Variants in ASTN2 observed in about 807,000 individuals in gnomAD.
ASTN2 encodes the protein astrotactin 2, also known as astrotactin-2.
A neutral mutation model predicts 139.8 loss-of-function variants in ASTN2; 54 were observed. That is an observed-to-expected ratio of 0.39 (90% CI 0.31 to 0.48). The LOEUF (loss-of-function observed/expected upper bound fraction) is 0.48, where lower values mean the gene tolerates loss of function less well. ASTN2 is among the 20% of genes least tolerant of loss of function. ASTN2 has a pLI of 0.95. For synonymous variants in ASTN2, 756 were observed against 719.5 expected, an observed-to-expected ratio of 1.05 and a Z score of -0.81; for missense variants, 1,565 against 1,725.1, an observed-to-expected ratio of 0.91 and a Z score of 1.64.
chr9:116,683,341 C>G lies in ASTN2; in HGVS notation c.2807-31548G>C, dbSNP rs192262361. 1.4e-4 allele frequency among the ~76,000 whole-genome samples: 22 copies of G among 152,098 alleles called. 1 individual carries two copies. The highest frequency in any genetic ancestry group is 1.1e-3 in the Admixed American group (17 of 15,274). The stretch of plus-strand genomic sequence containing the variant: ...GAAATTATGGGAAACTTCTATAATT[C>G]TGATATGATTTAGAGTACATTATTA... On this transcript the variant is annotated intron_variant, in intron 16 of 22. Coordinates refer to ENST00000313400, the MANE Select transcript of ASTN2 (RefSeq NM_001365068.1).
chr9:117,083,524 G>C (rs997183296), intron 5 of ASTN2, among the ~76,000 whole-genome samples: 5 of 152,140 alleles, frequency 3.3e-5, no homozygotes, highest in African/African-American at 1.2e-4. Flanking sequence ...CCCATGACCA[G>C]TGGCATGGTC....
At chr9:117,006,348 A>G (rs1483210907) in intron 7 of ASTN2, among the ~76,000 whole-genome samples, 2 of 152,128 alleles carry the variant, frequency 1.3e-5, no homozygotes, top group Non-Finnish European at 2.9e-5. Context: ...GCATCCCCTG[A>G]CTCAGTAAAT....
At chr9:116,550,948 A>G (rs1852314764) in intron 19 of ASTN2, 1 of 152,260 alleles carries the variant, frequency 6.6e-6, no homozygotes, top group Admixed American at 6.5e-5. Context: ...AGGAAGCCGC[A>G]TGTACTCAGG....
chr9:116,581,168 G>A (rs144835347), intron 19 of ASTN2, among the ~76,000 whole-genome samples: 27 of 152,206 alleles, frequency 1.8e-4, no homozygotes, highest in African/African-American at 6.3e-4. Context: ...GGAAGCCAGA[G>A]AGTCAGGGAA....
In ASTN2 at chr9:117,041,348, A is replaced by G. The variant is rs553222754; in HGVS notation, c.1277-1383T>C. Among the ~76,000 whole-genome samples, 91 of 152,172 alleles carry G rather than the reference A, an allele frequency of 6.0e-4. No homozygotes were observed. The South Asian group carries it at 7.3e-3, about 12-fold the overall frequency. ...GCTATCCAATTAGAATGTCAAATAT[A>G]TTAATAACACGTTCAAAACAGGGTA... On this transcript the variant is annotated intron_variant, in intron 5 of 22. Coordinates refer to ENST00000313400, the MANE Select transcript of ASTN2 (RefSeq NM_001365068.1).
intron 5 of ASTN2, among the ~76,000 whole-genome samples, chr9:117,046,264 G>A (rs1309180287): frequency 6.6e-6 from 1 of 152,076 alleles, no homozygotes; most frequent in East Asian, 1.9e-4. Flanking sequence ...GCCTCCCAAT[G>A]TGCTAGGATT....
At chr9:116,719,733 C>A (rs528701755) in intron 16 of ASTN2, among the ~76,000 whole-genome samples, 107 of 152,022 alleles carry the variant, frequency 7.0e-4, no homozygotes, top group African/African-American at 2.5e-3. Flanking sequence ...TGAAACTTCA[C>A]TTACTAATGT....
chr9:116,549,650 T>A (rs527913759), intron 19 of ASTN2, among the ~76,000 whole-genome samples: 1 of 152,284 alleles, frequency 6.6e-6, no homozygotes, highest in African/African-American at 2.4e-5. Context: ...TGGTTAGGTG[T>A]AGGAAACAAA....
intron 16 of ASTN2, among the ~76,000 whole-genome samples, chr9:116,684,994 C>G (rs567583423): frequency 6.6e-6 from 1 of 152,330 alleles, no homozygotes; most frequent in Admixed American, 6.5e-5. Flanking sequence ...TATCCCAAAG[C>G]AGACCTCCTT....
chr9:117,384,242 A>T (rs16905573), intron 1 of ASTN2, among the ~76,000 whole-genome samples: 27,396 of 152,174 alleles, frequency 0.18, 2,866 homozygotes, highest in East Asian at 0.42. Context: ...CTCAGGTTTT[A>T]CCCAGAACTC....
intron 5 of ASTN2, among the ~76,000 whole-genome samples, chr9:117,059,595 A>T (rs1267337021): frequency 1.3e-5 from 2 of 152,094 alleles, no homozygotes; most frequent in African/African-American, 4.8e-5. Flanking sequence ...CTTGGGTGAC[A>T]AAGAGAGATT....
At chr9:117,111,953 A>G (rs1829261111) in intron 4 of ASTN2, among the ~76,000 whole-genome samples, 1 of 152,130 alleles carries the variant, frequency 6.6e-6, no homozygotes, top group South Asian at 2.1e-4. Context: ...ATTGAAATAT[A>G]AATGGTAAAT....
chr9:117,321,128 C>A (rs1320451332), intron 1 of ASTN2, among the ~76,000 whole-genome samples: 2 of 152,180 alleles, frequency 1.3e-5, no homozygotes, highest in African/African-American at 2.4e-5. Flanking sequence ...GAGAAACACG[C>A]CTGCCTAAAT....
intron 4 of ASTN2, among the ~76,000 whole-genome samples, chr9:117,136,243 G>T (rs189467548): frequency 6.6e-6 from 1 of 152,236 alleles, no homozygotes; most frequent in Non-Finnish European, 1.5e-5. Context: ...CTTTGAAGAT[G>T]GTAGCATTCT....
chr9:117,329,898 T>G (rs1353528075), intron 1 of ASTN2, among the ~76,000 whole-genome samples: 2 of 152,194 alleles, frequency 1.3e-5, no homozygotes, highest in Non-Finnish European at 2.9e-5. Flanking sequence ...TTGGCACTTC[T>G]CATGCACTCT....
At chr9:116,534,362 T>C (rs1851512604) in intron 19 of ASTN2, among the ~76,000 whole-genome samples, 2 of 152,340 alleles carry the variant, frequency 1.3e-5, no homozygotes, top group Admixed American at 6.5e-5. Context: ...TCTATTTCCT[T>C]CAGTTCTGCT....
At chr9:117,217,699 C>T (rs1832372468) in intron 2 of ASTN2, among the ~76,000 whole-genome samples, 1 of 152,156 alleles carries the variant, frequency 6.6e-6, no homozygotes, top group African/African-American at 2.4e-5. Flanking sequence ...AAATAAGATG[C>T]TTGTGGGGTA....
At chr9:117,356,295 A>G (rs1156438404) in intron 1 of ASTN2, among the ~76,000 whole-genome samples, 1 of 152,228 alleles carries the variant, frequency 6.6e-6, no homozygotes, top group East Asian at 1.9e-4. Flanking sequence ...AGGGAGATAA[A>G]TATGCATCTC....
chr9:117,244,675 T>G (rs1373988521), intron 2 of ASTN2, among the ~76,000 whole-genome samples: 1 of 117,418 alleles, frequency 8.5e-6, no homozygotes, highest in Non-Finnish European at 1.7e-5. Context: ...GATGGATGGA[T>G]GGAAGGACAG....
Sources: gnomAD v4.1 joint callset for allele counts (sites outside exome capture counted in the v4.1 genomes callset) on GRCh38, gnomAD v4.1.1 for gene constraint, MANE v1.5 for transcripts, NCBI Gene and HGNC (gene_info 2026-07-23, HGNC 2026-07-21) for gene names.